Variants in DPP10 observed in about 807,000 individuals in gnomAD.
The protein encoded by DPP10 is inactive dipeptidyl peptidase 10.
A neutral mutation model predicts 120.9 loss-of-function variants in DPP10; 33 were observed. That is an observed-to-expected ratio of 0.27 (90% CI 0.21 to 0.37). The LOEUF (loss-of-function observed/expected upper bound fraction) is 0.37. DPP10 is among the 10% of genes least tolerant of loss of function. The probability of loss-of-function intolerance (pLI) is 1.00; values close to 1 mark genes in which losing one functional copy is unlikely to be tolerated. For synonymous variants in DPP10, 337 were observed against 326.1 expected (o/e 1.03, Z -0.36); for missense variants, 816 against 942.8 (o/e 0.87, Z 1.76).
intron 1 of DPP10, among the ~76,000 whole-genome samples, chr2:114,741,048 A>G (rs919380194): frequency 2.0e-5 from 3 of 152,324 alleles, no homozygotes; most frequent in South Asian, 4.1e-4. Flanking sequence ...CATTTATGTT[A>G]TTAAAATAAT....
intron 3 of DPP10, among the ~76,000 whole-genome samples, chr2:115,476,231 GT>G: frequency 6.6e-6 from 1 of 152,218 alleles, no homozygotes; most frequent in South Asian, 2.1e-4. Context: ...TTTCGATGTT[GT>G]TTTGTGATAA....
At chr2:115,176,080 C>T (rs888657986) in intron 1 of DPP10, among the ~76,000 whole-genome samples, 1 of 152,038 alleles carries the variant, frequency 6.6e-6, no homozygotes, top group Non-Finnish European at 1.5e-5. Context: ...TAATTTATGT[C>T]TTTAGCCAGG....
At chr2:114,731,749 G>A (rs1261919341) in intron 1 of DPP10, among the ~76,000 whole-genome samples, 1 of 152,170 alleles carries the variant, frequency 6.6e-6, no homozygotes, top group Non-Finnish European at 1.5e-5. Flanking sequence ...AGGTCCCAGA[G>A]AAGAGGAGCA....
intron 1 of DPP10, among the ~76,000 whole-genome samples, chr2:114,949,158 T>G (rs947176731): frequency 3.3e-5 from 5 of 151,874 alleles, no homozygotes; most frequent in Admixed American, 3.3e-4. Context: ...CTCCTGACCT[T>G]GTGATGCACC....
intron 1 of DPP10, among the ~76,000 whole-genome samples, chr2:115,007,870 G>A (rs2105060681): frequency 6.6e-6 from 1 of 150,608 alleles, no homozygotes; most frequent in African/African-American, 2.4e-5. Flanking sequence ...CAGCTTACAA[G>A]GGAGGTGAAG....
chr2:114,940,929 C>G (rs1558902037), intron 1 of DPP10, among the ~76,000 whole-genome samples: 1 of 152,106 alleles, frequency 6.6e-6, no homozygotes, highest in Non-Finnish European at 1.5e-5. Context: ...ATTCCCTAGA[C>G]TCTTACATCC....
chr2:114,535,049 T>A (rs1178996988), intron 1 of DPP10, among the ~76,000 whole-genome samples: 1 of 151,960 alleles, frequency 6.6e-6, no homozygotes, highest in African/African-American at 2.4e-5. Context: ...TTGGCTGCTG[T>A]TGTCTTCTTT....
At chr2:114,577,554 A>T (rs186883727) in intron 1 of DPP10, among the ~76,000 whole-genome samples, 44 of 152,284 alleles carry the variant, frequency 2.9e-4, no homozygotes, top group Admixed American at 2.6e-4. Context: ...TTCTTAAAGC[A>T]CCATGGCCCT....
intron 1 of DPP10, among the ~76,000 whole-genome samples, chr2:114,954,492 T>C (rs1422142465): frequency 6.6e-6 from 1 of 151,638 alleles, no homozygotes; most frequent in Admixed American, 6.6e-5. Flanking sequence ...TTTAAGTAAG[T>C]AAATCAAAAA....
chr2:114,906,772 G>A (rs1694000401), intron 1 of DPP10, among the ~76,000 whole-genome samples: 1 of 151,942 alleles, frequency 6.6e-6, no homozygotes, highest in East Asian at 1.9e-4. Flanking sequence ...TATTTTGTTA[G>A]GTTCTCTATT....
At chr2:115,461,005 T>A (rs967218454) in intron 3 of DPP10, among the ~76,000 whole-genome samples, 7 of 152,188 alleles carry the variant, frequency 4.6e-5, no homozygotes, top group African/African-American at 1.7e-4. Context: ...ATTCTGCAGA[T>A]ATGCCTCAAA....
intron 1 of DPP10, among the ~76,000 whole-genome samples, chr2:114,636,566 G>A (rs997670630): frequency 4.6e-5 from 7 of 152,072 alleles, no homozygotes; most frequent in Admixed American, 2.6e-4. Flanking sequence ...ACTACAAAGT[G>A]TCTTGGAGAT....
intron 1 of DPP10, among the ~76,000 whole-genome samples, chr2:114,611,666 A>G (rs1693298252): frequency 6.6e-6 from 1 of 152,154 alleles, no homozygotes. Flanking sequence ...TTTCACTCTG[A>G]TTTATTTCAC....
At chr2:114,760,414 C>T (rs894345876) in intron 1 of DPP10, among the ~76,000 whole-genome samples, 5 of 152,154 alleles carry the variant, frequency 3.3e-5, no homozygotes, top group Non-Finnish European at 1.5e-5. Flanking sequence ...CCAGGTATAC[C>T]TGTAGGATCA....
At chr2:115,150,468 CAG>C (rs1559149245) in intron 1 of DPP10, among the ~76,000 whole-genome samples, 1 of 151,910 alleles carries the variant, frequency 6.6e-6, no homozygotes, top group African/African-American at 2.4e-5. Context: ...ATACACACAA[CAG>C]AAAAAAAAGT....
intron 1 of DPP10, among the ~76,000 whole-genome samples, chr2:114,871,026 C>T (rs1690649286): frequency 1.5e-5 from 2 of 133,596 alleles, no homozygotes. Context: ...CATCCCTCTG[C>T]TTTTCTTTGT....
At chr2:115,840,971 A>C in intron 25 of DPP10, 148 bp downstream of exon 25, 2 of 560,784 alleles carry the variant, frequency 3.6e-6, no homozygotes, top group Non-Finnish European at 5.9e-6. Flanking sequence ...TCTGTTCCTG[A>C]TTACACCGAG....
chr2:115,040,296 G>A (rs1704539554), intron 1 of DPP10, among the ~76,000 whole-genome samples: 1 of 151,742 alleles, frequency 6.6e-6, no homozygotes, highest in South Asian at 2.1e-4. Context: ...GTCATCTGTG[G>A]GTAAAGTCCT....
chr2:115,167,916 T>TAG (rs2053024033), intron 1 of DPP10, among the ~76,000 whole-genome samples: 2 of 152,186 alleles, frequency 1.3e-5, no homozygotes, highest in African/African-American at 4.8e-5. Flanking sequence ...AAGAGTTGAA[T>TAG]TAGCTGCTGA....
Sources: allele counts gnomAD v4.1 joint callset (sites outside exome capture counted in the v4.1 genomes callset), GRCh38; gene constraint gnomAD v4.1.1; transcripts MANE v1.5; gene names NCBI Gene and HGNC (gene_info 2026-07-23, HGNC 2026-07-21).